Variants in CACNA2D2 observed in about 807,000 individuals in gnomAD.
The protein encoded by CACNA2D2 is calcium voltage-gated channel auxiliary subunit alpha2delta 2, also known as voltage-dependent calcium channel subunit alpha-2/delta-2.
CACNA2D2 carries 48 observed loss-of-function variants against 166.4 expected under a neutral mutation model. The ratio of observed to expected loss-of-function variants is 0.29; its 90% CI spans 0.23 to 0.37. The LOEUF (loss-of-function observed/expected upper bound fraction) is 0.37. CACNA2D2 is among the 10% of genes least tolerant of loss of function. CACNA2D2 has a pLI of 1.00. For missense variants in CACNA2D2, 1,122 were observed against 1,433.0 expected (o/e 0.78, Z 3.50); for synonymous variants, 561 against 573.7 (o/e 0.98, Z 0.32).
At chr3:50,406,708 A>G (rs1477166718) in intron 3 of CACNA2D2, among the ~76,000 whole-genome samples, 2 of 151,638 alleles carry the variant, frequency 1.3e-5, no homozygotes, top group Non-Finnish European at 2.9e-5. Context: ...CACCATCTTC[A>G]TCTACCACCA....
intron 1 of CACNA2D2, among the ~76,000 whole-genome samples, chr3:50,498,074 C>T (rs1698796482): frequency 6.6e-6 from 1 of 152,138 alleles, no homozygotes; most frequent in Non-Finnish European, 1.5e-5. Flanking sequence ...ACACAAGGCA[C>T]CAGGTCTGGA....
intron 1 of CACNA2D2, among the ~76,000 whole-genome samples, chr3:50,494,257 CG>C (rs1256831544): frequency 6.7e-6 from 1 of 149,058 alleles, no homozygotes; most frequent in Non-Finnish European, 1.5e-5. Flanking sequence ...GGGGGCAGGG[CG>C]GGGGTGGGTT....
Position 50,380,755 on chromosome 3 carries a change from T to TCC in CACNA2D2, c.833_834dup (p.Arg279GlyfsTer21). ...CCCTTCTTGCTCGCTCACCAGGGTC[T>TCC]CCTTCGGACATCGTACAGGTCGATC... On this transcript the variant is annotated frameshift_variant, in exon 8 of 38. Transcript: ENST00000424201. LOFTEE classifies it high-confidence loss of function. This position sits in a 1 kb window ranked among gnomAD's most constrained non-coding sequence, Gnocchi z 4.9. The TCC allele has an allele frequency of 6.5e-7, 1 of 1,538,688 alleles. No individual in the cohort carries two copies. The highest frequency in any genetic ancestry group is 2.3e-5 in the East Asian group (1 of 42,998).
intron 1 of CACNA2D2, among the ~76,000 whole-genome samples, chr3:50,479,010 G>C (rs1278904265): frequency 6.6e-6 from 1 of 152,168 alleles, no homozygotes; most frequent in Admixed American, 6.5e-5. Flanking sequence ...TGGGAGAAGA[G>C]ACATGGATGC....
At chr3:50,484,091 C>A (rs1000306189) in intron 1 of CACNA2D2, among the ~76,000 whole-genome samples, 1 of 152,116 alleles carries the variant, frequency 6.6e-6, no homozygotes, top group Non-Finnish European at 1.5e-5. Context: ...CCCTTGGGAT[C>A]GTCTCCACCT....
rs557311700 is a variant in CACNA2D2 at position 50,441,290 on chromosome 3, C to T, written c.289-6861G>A. ...AAGCCCCCACCACCACCCCCAGCAA[C>T]GCCTCCCTGTTTTTAAAGTTAAAGT... is the stretch of plus-strand genomic sequence containing the variant. On this transcript the variant is annotated intron_variant, in intron 2 of 37. Transcript: ENST00000424201. Among the ~76,000 whole-genome samples the T allele has an allele frequency of 5.3e-5, 8 of 152,134 alleles. 1 individual carries two copies. The highest frequency in any genetic ancestry group is 4.1e-4 in the South Asian group (2 of 4,824).
At chr3:50,418,047 G>A (rs1297294878) in intron 3 of CACNA2D2, among the ~76,000 whole-genome samples, 3 of 152,150 alleles carry the variant, frequency 2.0e-5, no homozygotes, top group African/African-American at 7.2e-5. Flanking sequence ...GGGGCCAGAT[G>A]GGAGGTGGTG....
intron 2 of CACNA2D2, among the ~76,000 whole-genome samples, chr3:50,473,336 G>A (rs1710178134): frequency 6.6e-6 from 1 of 152,250 alleles, no homozygotes; most frequent in Non-Finnish European, 1.5e-5. Context: ...CTGCACTCTG[G>A]CAGCTGCCAG....
chr3:50,386,892 T>G (rs758717913), intron 5 of CACNA2D2, among the ~76,000 whole-genome samples: 1 of 152,188 alleles, frequency 6.6e-6, no homozygotes, highest in Non-Finnish European at 1.5e-5. Context: ...CTACTCCAAG[T>G]GCCCTACACC....
chr3:50,386,527 C>T (rs1299700588), intron 5 of CACNA2D2, among the ~76,000 whole-genome samples: 1 of 152,220 alleles, frequency 6.6e-6, no homozygotes, highest in Non-Finnish European at 1.5e-5. Context: ...CTGGGAGCCA[C>T]GGAGCTCAGC....
Position 50,366,185 on chromosome 3 carries a change from C to G in CACNA2D2, c.2710-22G>C. The G allele has an allele frequency of 6.2e-7, 1 of 1,613,950 alleles. No individual in the cohort carries two copies. Reference sequence around the variant, plus strand: ...CCACCTGAGGATGTCAGGAGAAAGCCATGGTCACAGGGCTGGCAGTGCTAC... The same window carrying G: ...CCACCTGAGGATGTCAGGAGAAAGCGATGGTCACAGGGCTGGCAGTGCTAC... On this transcript the variant is annotated intron_variant, in intron 31 of 37. Coordinates refer to ENST00000424201, the MANE Select transcript of CACNA2D2 (RefSeq NM_006030.4). The surrounding 1 kb of genome is among the most constrained non-coding windows in gnomAD (Gnocchi z 5.9).
intron 1 of CACNA2D2, among the ~76,000 whole-genome samples, chr3:50,494,651 C>T (rs1179737630): frequency 2.0e-5 from 3 of 152,084 alleles, no homozygotes; most frequent in Non-Finnish European, 4.4e-5. Context: ...GCCCCCCGAC[C>T]CATGCCATAG....
chr3:50,500,974 A>T (rs560142726), intron 1 of CACNA2D2, among the ~76,000 whole-genome samples: 1 of 152,140 alleles, frequency 6.6e-6, no homozygotes, highest in South Asian at 2.1e-4. Flanking sequence ...GGCAGACACT[A>T]ATGAGAAAAT....
At chr3:50,464,117 T>C (rs555009295) in intron 2 of CACNA2D2, among the ~76,000 whole-genome samples, 36 of 152,182 alleles carry the variant, frequency 2.4e-4, no homozygotes, top group Non-Finnish European at 4.9e-4. Flanking sequence ...CATGGCTCAT[T>C]GAGACTGAAG....
At position 50,483,103 on chromosome 3, in the gene CACNA2D2, G is replaced by T. The variant is rs116885806; in HGVS notation, c.207-6904C>A. On this transcript the variant is annotated intron_variant, in intron 1 of 37. Coordinates refer to ENST00000424201, the MANE Select transcript of CACNA2D2 (RefSeq NM_006030.4). ...CTCAGCTGATTCATGATAGAGTAAG[G>T]CTCCCCAGCTAGCCACCTACCACTT... Among the ~76,000 whole-genome samples the T allele has an allele frequency of 9.1e-4, 138 of 152,296 alleles. No homozygotes were observed. The East Asian group carries it at 0.026, about 29-fold the overall frequency.
At position 50,496,853 on chromosome 3, in the gene CACNA2D2, G is replaced by A. The variant is rs1430709266; in HGVS notation, c.206+6365C>T. On this transcript the variant is annotated intron_variant, in intron 1 of 37. Transcript: ENST00000424201. ...TGTTCAGAAAGAACTAGCCATCAGG[G>A]AAGGCAGGCATCAAAGGGGAAGAAA... Among the ~76,000 whole-genome samples the A allele has an allele frequency of 2.6e-5, 4 of 152,222 alleles. No individual in the cohort carries two copies. The East Asian group carries it at 5.8e-4, about 22-fold the overall frequency.
intron 5 of CACNA2D2, among the ~76,000 whole-genome samples, chr3:50,385,523 C>T (rs185793435): frequency 3.5e-4 from 53 of 152,348 alleles, no homozygotes; most frequent in African/African-American, 8.4e-4. Flanking sequence ...AAAGGGTGAC[C>T]GTGCCTCTCC....
At chr3:50,462,190 A>C (rs1436450112) in intron 2 of CACNA2D2, among the ~76,000 whole-genome samples, 1 of 152,032 alleles carries the variant, frequency 6.6e-6, no homozygotes, top group Admixed American at 6.6e-5. Flanking sequence ...GGAGTTTGAG[A>C]CCAGCCTGGC....
At chr3:50,405,508 C>G (rs1479941179) in intron 3 of CACNA2D2, among the ~76,000 whole-genome samples, 4 of 152,130 alleles carry the variant, frequency 2.6e-5, no homozygotes, top group Non-Finnish European at 5.9e-5. Context: ...TGTTATCTTG[C>G]CCAGGCCCCC....
Sources: allele counts gnomAD v4.1 joint callset (sites outside exome capture counted in the v4.1 genomes callset), GRCh38; gene constraint gnomAD v4.1.1; non-coding constraint Gnocchi (gnomAD v3.1); transcripts MANE v1.5; gene names NCBI Gene and HGNC (gene_info 2026-07-23, HGNC 2026-07-21).